The following MLIP variants were observed in gnomAD, a reference collection of about 807,000 sequenced individuals.
MLIP encodes muscular LMNA-interacting protein.
In MLIP, 79 loss-of-function variants were observed where a neutral mutation model predicts 84.8. The observed-to-expected ratio is 0.93, with a 90% CI of 0.78 to 1.12. MLIP has a LOEUF of 1.12. MLIP is among the 50% of genes most tolerant of loss of function. The pLI, the probability that MLIP is intolerant of heterozygous loss-of-function variation, is 0.00. For missense variants in MLIP, 1,257 were observed against 1,160.6 expected, an observed-to-expected ratio of 1.08 and a Z score of -1.21; for synonymous variants, 504 against 463.0, an observed-to-expected ratio of 1.09 and a Z score of -1.14.
chr6:54,081,994 T>C (rs995540488), intron 1 of MLIP, among the ~76,000 whole-genome samples: 1 of 152,170 alleles, frequency 6.6e-6, no homozygotes, highest in African/African-American at 2.4e-5. Context: ...CAACTTTGCC[T>C]AGTGTTTACT....
At chr6:54,102,473 C>T (rs1029520679) in intron 1 of MLIP, among the ~76,000 whole-genome samples, 5 of 152,094 alleles carry the variant, frequency 3.3e-5, no homozygotes, top group African/African-American at 1.2e-4. Context: ...TCTCACACAA[C>T]CCTCTGATGC....
chr6:54,020,630 G>T (rs1316422759), intron 1 of MLIP, among the ~76,000 whole-genome samples: 1 of 152,202 alleles, frequency 6.6e-6, no homozygotes, highest in Non-Finnish European at 1.5e-5. Flanking sequence ...GTGATTCGAT[G>T]TATTAGCATT....
chr6:54,236,502 T>C (rs1781370080), intron 12 of MLIP, among the ~76,000 whole-genome samples: 1 of 152,190 alleles, frequency 6.6e-6, no homozygotes, highest in African/African-American at 2.4e-5. Context: ...CTCAAGAGGC[T>C]GAGGCAGGAG....
chr6:54,190,835 G>GTCA (rs1562038643), intron 10 of MLIP, among the ~76,000 whole-genome samples: 3 of 143,828 alleles, frequency 2.1e-5, no homozygotes, highest in African/African-American at 7.8e-5. Context: ...TCGCTCTGTC[G>GTCA]GCGAGGCTAG....
chr6:54,105,384 G>A (rs189062460), intron 1 of MLIP, among the ~76,000 whole-genome samples: 1 of 152,100 alleles, frequency 6.6e-6, no homozygotes, highest in Admixed American at 6.6e-5. Context: ...CTTCTGAACA[G>A]TCAATTCAAA....
chr6:54,145,888 C>T (rs1052473642), intron 4 of MLIP, among the ~76,000 whole-genome samples: 22 of 151,628 alleles, frequency 1.5e-4, no homozygotes, highest in African/African-American at 5.1e-4. Flanking sequence ...TTAATGTCCA[C>T]CAAGTTGGGA....
At chr6:54,205,767 ATT>A (rs891838419) in intron 11 of MLIP, among the ~76,000 whole-genome samples, 2 of 151,822 alleles carry the variant, frequency 1.3e-5, no homozygotes, top group African/African-American at 4.8e-5. Context: ...TGTATATTAG[ATT>A]TTTTTTTAAA....
chr6:54,160,909 A>T, intron 8 of MLIP, 110 bp downstream of exon 8: 2 of 822,224 alleles, frequency 2.4e-6, no homozygotes, highest in Non-Finnish European at 3.9e-6. Flanking sequence ...TTTAGTGAAT[A>T]GCAATCAGTC....
chr6:54,068,066 T>TCCTTCCTTCCTG (rs1561905219), intron 1 of MLIP, among the ~76,000 whole-genome samples: 2 of 72,790 alleles, frequency 2.7e-5, no homozygotes, highest in African/African-American at 6.2e-5. Context: ...CTTCCTTCCT[T>TCCTTCCTTCCTG]CCTTCCTTCC....
intron 1 of MLIP, chr6:54,083,502 G>A (rs1297793925): frequency 2.6e-6 from 4 of 1,535,180 alleles, no homozygotes; most frequent in Non-Finnish European, 8.7e-7. Context: ...TTGTCAATGA[G>A]TTCTATTGGC....
At chr6:54,021,134 C>T (rs1331773010) in intron 1 of MLIP, among the ~76,000 whole-genome samples, 2 of 152,138 alleles carry the variant, frequency 1.3e-5, no homozygotes, top group Non-Finnish European at 2.9e-5. Flanking sequence ...CATTATGTTT[C>T]ATGTTAATAC....
At chr6:54,085,162 T>G (rs978115958) in intron 1 of MLIP, among the ~76,000 whole-genome samples, 11 of 152,162 alleles carry the variant, frequency 7.2e-5, no homozygotes, top group African/African-American at 2.7e-4. Flanking sequence ...TAAGTGACAG[T>G]TACAACTTCA....
chr6:54,216,142 A>G (rs879849179), intron 11 of MLIP: 14 of 984,884 alleles, frequency 1.4e-5, no homozygotes, highest in Non-Finnish European at 1.6e-5. Context: ...AATACTCACT[A>G]TCAAAGGGCT....
chr6:54,037,438 T>C (rs1272385663), intron 1 of MLIP, among the ~76,000 whole-genome samples: 17 of 151,798 alleles, frequency 1.1e-4, no homozygotes. Flanking sequence ...TGTGTATGTG[T>C]GTTAGTGTGT....
chr6:54,112,246 A>T (rs1336147165), intron 1 of MLIP, among the ~76,000 whole-genome samples: 5 of 152,200 alleles, frequency 3.3e-5, no homozygotes, highest in Non-Finnish European at 5.9e-5. Flanking sequence ...CTACATTGGA[A>T]CTTAGCCACA....
At chr6:54,022,695 A>G (rs951658876) in intron 1 of MLIP, among the ~76,000 whole-genome samples, 1 of 152,160 alleles carries the variant, frequency 6.6e-6, no homozygotes, top group South Asian at 2.1e-4. Flanking sequence ...AAAATCATTT[A>G]TTACTATAGT....
chr6:54,098,062 A>G, intron 1 of MLIP, among the ~76,000 whole-genome samples: 1 of 152,108 alleles, frequency 6.6e-6, no homozygotes, highest in East Asian at 1.9e-4. Context: ...AGAGTAGAGA[A>G]CATGAGAGAA....
intron 12 of MLIP, among the ~76,000 whole-genome samples, chr6:54,245,299 G>A (rs572969442): frequency 5.4e-4 from 82 of 152,310 alleles, no homozygotes; most frequent in Non-Finnish European, 7.2e-4. Context: ...GAGGGGCAAA[G>A]AGCTGAGCAA....
At chr6:54,060,459 G>A (rs1204061169) in intron 1 of MLIP, among the ~76,000 whole-genome samples, 1 of 152,162 alleles carries the variant, frequency 6.6e-6, no homozygotes, top group African/African-American at 2.4e-5. Flanking sequence ...GAGAAAACAG[G>A]AAGGAAATCA....
Sources: gnomAD v4.1 joint callset for allele counts (sites outside exome capture counted in the v4.1 genomes callset) on GRCh38, gnomAD v4.1.1 for gene constraint, MANE v1.5 for transcripts, NCBI Gene and HGNC (gene_info 2026-07-23, HGNC 2026-07-21) for gene names.